PXMP2: variants seen among roughly 807,000 people sequenced by gnomAD.
PXMP2 encodes the protein 22 kDa peroxisomal membrane protein.
Under a neutral mutation model 20.2 loss-of-function variants are expected in PXMP2, and 13 were observed. The observed-to-expected ratio is 0.64, with a 90% CI of 0.42 to 1.02. The LOEUF (loss-of-function observed/expected upper bound fraction) is 1.02. Among genes scored for constraint, PXMP2 ranks in the 50% least tolerant of loss-of-function variants. The pLI is 0.00. For missense variants in PXMP2, 284 were observed against 251.8 expected (o/e 1.13, Z -0.87); for synonymous variants, 113 against 111.2 (o/e 1.02, Z -0.10).
chr12:132,701,726 A>G, intron 4 of PXMP2: 1 of 281,844 alleles, frequency 3.5e-6, no homozygotes, highest in Non-Finnish European at 6.8e-6. Flanking sequence ...AGGAATGTAC[A>G]TGCAGGCAAC....
rs1264895060 is a variant in PXMP2, at chr12:132,704,916, G to T, written c.*229G>T. 1.8e-6 allele frequency: 1 copy of T among 545,306 alleles called. No homozygotes were observed. Among genetic ancestry groups the T allele is most frequent in the African/African-American group, 1.9e-5 (1 of 51,842 alleles). 33.8% of individuals were successfully genotyped at this position (545,306 alleles called of 1,614,324 possible). On this transcript the variant is annotated 3_prime_UTR_variant, in exon 5 of 5. Coordinates refer to ENST00000317479, the MANE Select transcript of PXMP2 (RefSeq NM_018663.3). ...TGCTGCCCCAGAAACTTAAAATTTA[G>T]TCGAGGCAGTTTCAATTGTTACTGT...
At position 132,687,734 on chromosome 12, in the gene PXMP2, C is replaced by T; in HGVS notation, c.64C>T (p.Leu22Phe). The change falls in exon 1 of 5, where the codon CTC becomes TTC. Residue 22 changes from leucine (L) to phenylalanine (F), a missense_variant. Transcript: ENST00000317479. Reference protein sequence around the residue: ...AGLGALPRRALAQYLLFLRLY... With the variant: ...AGLGALPRRAFAQYLLFLRLY... Reference sequence around the variant, plus strand: ...GCTCGGGGCGCTGCCGCGGCGGGCGCTCGCCCAGTACCTGCTCTTCCTGCG... The same window carrying T: ...GCTCGGGGCGCTGCCGCGGCGGGCGTTCGCCCAGTACCTGCTCTTCCTGCG... 1.6e-6 allele frequency: 2 copies of T among 1,219,080 alleles called. No homozygotes were observed. The highest frequency in any genetic ancestry group is 2.0e-6 in the Non-Finnish European group (2 of 976,780). The allele number at this position is 1,219,080 out of a possible 1,614,324, so 75.5% of individuals were successfully genotyped here. A position where few individuals can be genotyped will look rare whatever the true frequency, so the allele number is the denominator to read the frequency against.
intron 2 of PXMP2, among the ~76,000 whole-genome samples, chr12:132,693,553 CAGTT>C (rs746775133): frequency 3.3e-3 from 254 of 76,546 alleles, no homozygotes; most frequent in Non-Finnish European, 4.8e-3. Context: ...CTCCCTTAGT[CAGTT>C]AGTTAGTGAG....
At position 132,690,315 on chromosome 12, in the gene PXMP2, C is replaced by CG. The variant is rs1396598227; in HGVS notation, c.177dup (p.Lys60GlufsTer6). ...CCTGGCCCAGATGATTGAGAAGAAGCGGAAAAAAGAAAACTCTAGAAGTCT... is the reference window on the plus strand; with the variant it reads ...CCTGGCCCAGATGATTGAGAAGAAGCGGGAAAAAAGAAAACTCTAGAAGTCT... On this transcript the variant is annotated frameshift_variant, in exon 2 of 5. Coordinates refer to ENST00000317479, the MANE Select transcript of PXMP2 (RefSeq NM_018663.3). LOFTEE classifies it high-confidence loss of function. 3 of 1,613,832 alleles carry CG rather than the reference C, an allele frequency of 1.9e-6. No homozygotes were observed. The highest frequency in any genetic ancestry group is 2.5e-6 in the Non-Finnish European group (3 of 1,179,920).
At chr12:132,692,042 TAGTG>T (rs1172822957) in intron 2 of PXMP2, among the ~76,000 whole-genome samples, 4 of 123,802 alleles carry the variant, frequency 3.2e-5, no homozygotes, top group Non-Finnish European at 7.5e-5. Context: ...CCTTGCCAGT[TAGTG>T]AGCTCCCTGA....
At chr12:132,699,208 G>C (rs913455887) in intron 3 of PXMP2, among the ~76,000 whole-genome samples, 128 of 152,234 alleles carry the variant, frequency 8.4e-4, no homozygotes, top group African/African-American at 3.0e-3. Context: ...CTTGAACCCA[G>C]GATGTCGAGA....
intron 4 of PXMP2, among the ~76,000 whole-genome samples, chr12:132,702,180 G>C (rs2043446663): frequency 6.6e-6 from 1 of 152,276 alleles, no homozygotes; most frequent in Middle Eastern, 3.2e-3. Flanking sequence ...GCACTGTGCG[G>C]CCATGGGTCC....
At chr12:132,702,322 G>A (rs543161545) in intron 4 of PXMP2, 2 of 195,360 alleles carry the variant, frequency 1.0e-5, no homozygotes, top group East Asian at 1.7e-4. Flanking sequence ...GTGCATGAAG[G>A]AGCTGCTGTG....
rs72469456 is a variant in PXMP2 at position 132,693,926 on chromosome 12, CAGTT to C, written c.237-1950_237-1947del. Among the ~76,000 whole-genome samples the C allele has an allele frequency of 1.4e-4, 12 of 86,448 alleles. 2 individuals carry two copies. Among genetic ancestry groups the C allele is most frequent in the Non-Finnish European group, 2.3e-4 (9 of 39,480 alleles). 56.7% of individuals were successfully genotyped at this position (86,448 alleles called of 152,430 possible). A position where few individuals can be genotyped will look rare whatever the true frequency, so the allele number is the denominator to read the frequency against. ...TTAGCCAGTTAGTGAGCGCCCTTGC[CAGTT>C]AGTTAGTGAGCGCCCTTGCCAGTTA... On this transcript the variant is annotated intron_variant, in intron 2 of 4. Coordinates refer to ENST00000317479, the MANE Select transcript of PXMP2 (RefSeq NM_018663.3).
chr12:132,697,899 C>G (rs988023284), intron 3 of PXMP2, among the ~76,000 whole-genome samples: 3 of 152,202 alleles, frequency 2.0e-5, no homozygotes, highest in Admixed American at 1.3e-4. Flanking sequence ...CACCTGCACT[C>G]AGCAGGTGTG....
chr12:132,690,501 T>C lies in PXMP2; in HGVS notation c.236+125T>C, dbSNP rs1355687427. On this transcript the variant is annotated intron_variant, in intron 2 of 4. Transcript: ENST00000317479. ...AATTTTTTAAAAACCATTGTAGTAA[T>C]CATCATGGGAAAAAACTCGAATGGT... The C allele has an allele frequency of 4.2e-6, 3 of 710,394 alleles. No homozygotes were observed. The East Asian group carries it at 8.3e-5, about 20-fold the overall frequency. The allele number at this position is 710,394 out of a possible 1,614,324, so 44.0% of individuals were successfully genotyped here.
rs949409499 is a variant in PXMP2, at chr12:132,696,444, G to A, written c.399+398G>A. Among the ~76,000 whole-genome samples, 2 of 152,066 alleles carry A rather than the reference G, an allele frequency of 1.3e-5. No homozygotes were observed. Among genetic ancestry groups the A allele is most frequent in the African/African-American group, 2.4e-5 (1 of 41,386 alleles). ...TCACATCAGTTGTTACAGATATCTCGAAATATAATTTATGCTCATTACTAC... is the reference window on the plus strand; with the variant it reads ...TCACATCAGTTGTTACAGATATCTCAAAATATAATTTATGCTCATTACTAC... On this transcript the variant is annotated intron_variant, in intron 3 of 4. Transcript: ENST00000317479. This position sits in a 1 kb window ranked among gnomAD's most constrained non-coding sequence, Gnocchi z 4.4.
At chr12:132,690,716 T>C (rs1221127156) in intron 2 of PXMP2, among the ~76,000 whole-genome samples, 1 of 152,064 alleles carries the variant, frequency 6.6e-6, no homozygotes, top group Admixed American at 6.6e-5. Flanking sequence ...CAGCTAATTT[T>C]TGTTATTTTT....
At position 132,690,390 on chromosome 12, in the gene PXMP2, A is replaced by C. The variant is rs780184921; in HGVS notation, c.236+14A>C. On this transcript the variant is annotated intron_variant, in intron 2 of 4. Transcript: ENST00000317479. ...TGCCGTTTACGGGTGAGTGCCATAC[A>C]AGGGGTGGGTTTACCTTGTAGCCGC... 2.7e-5 allele frequency: 44 copies of C among 1,602,966 alleles called. No homozygotes were observed. The highest frequency in any genetic ancestry group is 3.7e-5 in the Non-Finnish European group (43 of 1,170,512).
At chr12:132,704,406 G>A (rs768415747) in intron 4 of PXMP2, among the ~76,000 whole-genome samples, 1 of 152,140 alleles carries the variant, frequency 6.6e-6, no homozygotes, top group Non-Finnish European at 1.5e-5. Context: ...TGTGAACACT[G>A]TAACTAGGGG....
At chr12:132,699,410 G>A (rs1485088604) in intron 3 of PXMP2, among the ~76,000 whole-genome samples, 2 of 151,986 alleles carry the variant, frequency 1.3e-5, no homozygotes, top group South Asian at 2.1e-4. Flanking sequence ...GTGAGATGGC[G>A]AGACCCTGTC....
chr12:132,692,545 T>TGCCAGTTAATTAGTGAGCTCCCTTA (rs1565990562), intron 2 of PXMP2, among the ~76,000 whole-genome samples: 1 of 108,170 alleles, frequency 9.2e-6, no homozygotes, highest in African/African-American at 3.3e-5. Flanking sequence ...TGAGCGCCCT[T>TGCCAGTTAATTAGTGAGCTCCCTTA]GCCAGTTAGT....
chr12:132,701,499 C>T lies in PXMP2; in HGVS notation c.519+130C>T, dbSNP rs571230694. On this transcript the variant is annotated intron_variant, in intron 4 of 4. Coordinates refer to ENST00000317479, the MANE Select transcript of PXMP2 (RefSeq NM_018663.3). ...TTCTCTTCTTTCTTTGGTAGTTTTC[C>T]GCTAGACTTAGTTTCATCCGTGTCT... 290 of 1,281,024 alleles carry T rather than the reference C, an allele frequency of 2.3e-4. 5 individuals are homozygous for T. In the South Asian group the frequency reaches 3.5e-3, roughly 15 times the overall value. The allele number at this position is 1,281,024 out of a possible 1,614,324, so 79.4% of individuals were successfully genotyped here.
chr12:132,695,881 C>CA lies in PXMP2; in HGVS notation c.237-2dup, dbSNP rs758135578. The CA allele has an allele frequency of 6.2e-7, 1 of 1,603,194 alleles. No homozygotes were observed. Among genetic ancestry groups the CA allele is most frequent in the East Asian group, 2.2e-5 (1 of 44,642 alleles). ...TCTGGCTCACACCCCCTGGGGGCCTCAGGTTCTTCTTCACAGGGCCGCTGA... is the reference window on the plus strand; with the variant it reads ...TCTGGCTCACACCCCCTGGGGGCCTCAAGGTTCTTCTTCACAGGGCCGCTGA... On this transcript the variant is annotated splice_polypyrimidine_tract_variant and splice_region_variant and intron_variant, in intron 2 of 4. Transcript: ENST00000317479.
Sources: gnomAD v4.1 joint callset for allele counts (sites outside exome capture counted in the v4.1 genomes callset) on GRCh38, gnomAD v4.1.1 for gene constraint, Gnocchi (gnomAD v3.1) non-coding constraint, MANE v1.5 for transcripts, NCBI Gene and HGNC (gene_info 2026-07-23, HGNC 2026-07-21) for gene names.